The following TRPC7 variants were observed in gnomAD, a reference collection of about 807,000 sequenced individuals.
TRPC7 encodes short transient receptor potential channel 7.
A neutral mutation model predicts 90.1 loss-of-function variants in TRPC7; 42 were observed. The observed-to-expected ratio is 0.47, with a 90% CI of 0.36 to 0.60. The LOEUF (loss-of-function observed/expected upper bound fraction) is 0.60, where lower values mean the gene tolerates loss of function less well. Among genes scored for constraint, TRPC7 ranks in the 20% least tolerant of loss-of-function variants. The probability of loss-of-function intolerance (pLI) is 0.00; values close to 1 mark genes in which losing one functional copy is unlikely to be tolerated. For synonymous variants in TRPC7, 451 were observed against 436.3 expected, an observed-to-expected ratio of 1.03 and a Z score of -0.42; for missense variants, 955 against 1,112.3, an observed-to-expected ratio of 0.86 and a Z score of 2.01.
At chr5:136,331,721 C>T (rs1025608902) in intron 2 of TRPC7, among the ~76,000 whole-genome samples, 6 of 152,114 alleles carry the variant, frequency 3.9e-5, no homozygotes, top group Non-Finnish European at 8.8e-5. Context: ...GAGCTGTAGC[C>T]GGCACTGGAG....
chr5:136,342,455 T>C (rs1759874463), intron 2 of TRPC7, among the ~76,000 whole-genome samples: 1 of 152,132 alleles, frequency 6.6e-6, no homozygotes, highest in Non-Finnish European at 1.5e-5. Context: ...AGGGGTTGTG[T>C]TTTGGAAAGA....
At position 136,249,133 on chromosome 5, in the gene TRPC7, T is replaced by C. The variant is rs142064740; in HGVS notation, c.1580-1398A>G. On this transcript the variant is annotated intron_variant, in intron 6 of 11. Transcript: ENST00000513104. ...CATTATTGCCATTTTTAAGATTGGA[T>C]TTAGGGTATGGGGTCCTTTTCAGAG... Among the ~76,000 whole-genome samples, 17 of 152,316 alleles carry C rather than the reference T, an allele frequency of 1.1e-4. No homozygotes were observed. The East Asian group carries it at 3.1e-3, about 28-fold the overall frequency.
chr5:136,243,030 A>G (rs754670162), intron 7 of TRPC7, among the ~76,000 whole-genome samples: 1 of 152,166 alleles, frequency 6.6e-6, no homozygotes, highest in Non-Finnish European at 1.5e-5. Flanking sequence ...TGATTTTAGA[A>G]CTGGAAGACA....
At chr5:136,319,572 C>T (rs1759128943) in intron 2 of TRPC7, among the ~76,000 whole-genome samples, 1 of 152,156 alleles carries the variant, frequency 6.6e-6, no homozygotes, top group Non-Finnish European at 1.5e-5. Flanking sequence ...ACATTCATGT[C>T]TCCATTTTGC....
chr5:136,236,178 T>C (rs1755972353), intron 7 of TRPC7, among the ~76,000 whole-genome samples: 1 of 152,222 alleles, frequency 6.6e-6, no homozygotes, highest in Admixed American at 6.5e-5. Flanking sequence ...AATGTGTTTC[T>C]GTGCTTTTGG....
intron 5 of TRPC7, among the ~76,000 whole-genome samples, chr5:136,259,526 T>C (rs1756788009): frequency 6.6e-6 from 1 of 152,256 alleles, no homozygotes; most frequent in African/African-American, 2.4e-5. Context: ...TCATGCGTTA[T>C]GGAGATGCTT....
chr5:136,316,441 T>C (rs1239088794), intron 2 of TRPC7, among the ~76,000 whole-genome samples: 1 of 152,220 alleles, frequency 6.6e-6, no homozygotes, highest in African/African-American at 2.4e-5. Flanking sequence ...AATTTAACTT[T>C]AACAGGATCT....
chr5:136,300,788 C>T (rs1758351910), intron 3 of TRPC7, among the ~76,000 whole-genome samples: 1 of 152,184 alleles, frequency 6.6e-6, no homozygotes, highest in Non-Finnish European at 1.5e-5. Flanking sequence ...CTTAGAGAAG[C>T]ATTAAAGCCT....
intron 2 of TRPC7, among the ~76,000 whole-genome samples, chr5:136,324,045 T>C (rs1759275246): frequency 6.6e-6 from 1 of 152,190 alleles, no homozygotes; most frequent in Non-Finnish European, 1.5e-5. Flanking sequence ...ATAAAATTTA[T>C]ATCTAGTATT....
chr5:136,270,939 T>C (rs1379837329), intron 4 of TRPC7, among the ~76,000 whole-genome samples: 1 of 152,234 alleles, frequency 6.6e-6, no homozygotes, highest in Non-Finnish European at 1.5e-5. Flanking sequence ...TGATTTTCTT[T>C]AATCGAGTGT....
intron 2 of TRPC7, among the ~76,000 whole-genome samples, chr5:136,331,211 G>A (rs541477262): frequency 6.6e-6 from 1 of 152,258 alleles, no homozygotes; most frequent in Non-Finnish European, 1.5e-5. Flanking sequence ...ACACAGTGTT[G>A]CAGAATTAAG....
chr5:136,266,314 T>C lies in TRPC7; in HGVS notation c.1251A>G (p.Pro417=). 1 of 1,613,948 alleles carries C rather than the reference T, an allele frequency of 6.2e-7. No homozygotes were observed. The highest frequency in any genetic ancestry group is 8.5e-7 in the Non-Finnish European group (1 of 1,179,834). Residue 417 remains proline, a synonymous_variant, in exon 5 of 12, where the codon CCA becomes CCG. Transcript: ENST00000513104. ...TTGGGTAGTCTGTGAAGGTTTCGTTTGGCAGGGTTTTAACACCTTCAAATC... is the reference window on the plus strand; with the variant it reads ...TTGGGTAGTCTGTGAAGGTTTCGTTCGGCAGGGTTTTAACACCTTCAAATC... The part of the protein sequence containing the change: ...SDRFEGVKTL[P]NETFTDYPKQ...
intron 2 of TRPC7, among the ~76,000 whole-genome samples, chr5:136,348,315 A>G (rs1426167745): frequency 6.6e-6 from 1 of 152,142 alleles, no homozygotes; most frequent in Admixed American, 6.5e-5. Context: ...TGTTACTCAC[A>G]ATTCTCTGAA....
intron 7 of TRPC7, among the ~76,000 whole-genome samples, chr5:136,235,159 G>C (rs1755944793): frequency 6.6e-6 from 1 of 152,176 alleles, no homozygotes; most frequent in Non-Finnish European, 1.5e-5. Flanking sequence ...GCAGAAGACT[G>C]AGAAAAGAAT....
At chr5:136,322,265 C>T (rs959715314) in intron 2 of TRPC7, among the ~76,000 whole-genome samples, 1 of 152,154 alleles carries the variant, frequency 6.6e-6, no homozygotes, top group Non-Finnish European at 1.5e-5. Flanking sequence ...TCACCTGTGT[C>T]AGCCTCCCAA....
intron 10 of TRPC7, among the ~76,000 whole-genome samples, chr5:136,225,053 A>G (rs1421137186): frequency 3.3e-5 from 5 of 152,140 alleles, no homozygotes; most frequent in Admixed American, 6.5e-5. Flanking sequence ...GTCCATCATC[A>G]CTAGACTGGA....
intron 3 of TRPC7, among the ~76,000 whole-genome samples, chr5:136,280,020 C>T (rs916953882): frequency 2.0e-5 from 3 of 152,024 alleles, no homozygotes; most frequent in Non-Finnish European, 2.9e-5. Context: ...ATTAGCTGGG[C>T]ATGGTGGCTG....
At chr5:136,336,771 C>G (rs1759679886) in intron 2 of TRPC7, among the ~76,000 whole-genome samples, 1 of 152,080 alleles carries the variant, frequency 6.6e-6, no homozygotes, top group Admixed American at 6.5e-5. Context: ...ATTTAGTTAT[C>G]TGTCCTTGTG....
chr5:136,322,277 G>A, intron 2 of TRPC7, among the ~76,000 whole-genome samples: 1 of 152,164 alleles, frequency 6.6e-6, no homozygotes, highest in Non-Finnish European at 1.5e-5. Flanking sequence ...GCCTCCCAAA[G>A]TGCTGGGATT....
Sources: allele counts gnomAD v4.1 joint callset (sites outside exome capture counted in the v4.1 genomes callset), GRCh38; gene constraint gnomAD v4.1.1; transcripts MANE v1.5; gene names NCBI Gene and HGNC (gene_info 2026-07-23, HGNC 2026-07-21).